Variants in MROH1 observed in about 807,000 individuals in gnomAD.
MROH1 encodes maestro heat-like repeat-containing protein family member 1.
MROH1 carries 117 observed loss-of-function variants against 116.5 expected under a neutral mutation model. The ratio of observed to expected loss-of-function variants is 1.00; its 90% CI spans 0.86 to 1.17. MROH1 has a LOEUF of 1.17. Among genes scored for constraint, MROH1 ranks in the 50% most tolerant of loss-of-function variants. The pLI is 0.00. For synonymous variants in MROH1, 921 were observed against 583.9 expected (o/e 1.58, Z -8.32); for missense variants, 1,873 against 1,338.5 (o/e 1.40, Z -6.23).
At chr8:144,195,284 G>A (rs375914631) in intron 10 of MROH1, among the ~76,000 whole-genome samples, 97 of 146,970 alleles carry the variant, frequency 6.6e-4, no homozygotes, top group African/African-American at 2.3e-3. Flanking sequence ...GGCAGATCAC[G>A]AGGTCAGGAG....
chr8:144,212,827 G>A (rs1344109244), intron 12 of MROH1, among the ~76,000 whole-genome samples: 1 of 152,102 alleles, frequency 6.6e-6, no homozygotes, highest in Non-Finnish European at 1.5e-5. Flanking sequence ...CTGATCTCAA[G>A]TGATCCACCT....
At chr8:144,222,399 G>A (rs187134342) in intron 13 of MROH1, among the ~76,000 whole-genome samples, 1 of 152,266 alleles carries the variant, frequency 6.6e-6, no homozygotes, top group East Asian at 1.9e-4. Context: ...CCTTCCCTAC[G>A]GACCTGAGCA....
At chr8:144,256,883 G>A (rs964473022) in intron 35 of MROH1, among the ~76,000 whole-genome samples, 23 of 152,342 alleles carry the variant, frequency 1.5e-4, no homozygotes, top group East Asian at 1.4e-3. Flanking sequence ...AGCCTGGAGC[G>A]CAGCCCCTGG....
chr8:144,207,273 C>T (rs1029437360), intron 12 of MROH1, among the ~76,000 whole-genome samples: 3 of 151,776 alleles, frequency 2.0e-5, no homozygotes, highest in African/African-American at 2.4e-5. Flanking sequence ...CTGCAACCTC[C>T]GCCTCCTGGG....
Position 144,163,833 on chromosome 8 carries a change from G to A in MROH1, c.7G>A (p.Glu3Lys). The part of the protein sequence containing the change: MT[E>K]SSMKKLASTL... ...GGAAGCTGAAACCACAGACATGACT[G>A]AGTCCTCCATGAAGAGTGAGTGCAT... Residue 3 changes from glutamate (E) to lysine (K), a missense_variant, in exon 3 of 44, where the codon GAG (glutamate) becomes AAG (lysine). Glu to Lys is a moderately conservative substitution (Grantham distance 56). Coordinates refer to ENST00000326134, the MANE Select transcript of MROH1 (RefSeq NM_032450.3). This position sits in a 1 kb window ranked among gnomAD's most constrained non-coding sequence, Gnocchi z 4.4. 1.9e-6 allele frequency: 3 copies of A among 1,613,772 alleles called. No individual in the cohort carries two copies. The highest frequency in any genetic ancestry group is 2.5e-6 in the Non-Finnish European group (3 of 1,179,756).
intron 4 of MROH1, among the ~76,000 whole-genome samples, chr8:144,168,641 C>A (rs1272123260): frequency 6.6e-6 from 1 of 152,130 alleles, no homozygotes; most frequent in Non-Finnish European, 1.5e-5. Flanking sequence ...ATGGCCACAT[C>A]CCCCCACCAC....
Position 144,163,990 on chromosome 8 carries a change from G to A in MROH1, c.22+142G>A, listed in dbSNP as rs1162908847. On this transcript the variant is annotated intron_variant, in intron 3 of 43. Transcript: ENST00000326134. The surrounding 1 kb of genome is among the most constrained non-coding windows in gnomAD (Gnocchi z 4.4). ...CGGGAGCCTGAGTGGGTTCTGGGCA[G>A]GTTGGGTGATGTGGCAGGTGTAGAC... 5 of 769,578 alleles carry A rather than the reference G, an allele frequency of 6.5e-6. No individual in the cohort carries two copies. The highest frequency in any genetic ancestry group is 9.9e-6 in the Non-Finnish European group (5 of 503,722). The allele number at this position is 769,578 out of a possible 1,614,324, so 47.7% of individuals were successfully genotyped here.
At chr8:144,212,991 C>T in intron 12 of MROH1, 2 of 774,704 alleles carry the variant, frequency 2.6e-6, no homozygotes, top group Non-Finnish European at 4.8e-6. Context: ...TCTCGTTACA[C>T]AGGCAGCACT....
chr8:144,178,621 T>G (rs1824723562), intron 4 of MROH1, among the ~76,000 whole-genome samples: 1 of 152,226 alleles, frequency 6.6e-6, no homozygotes, highest in Non-Finnish European at 1.5e-5. Flanking sequence ...CGACAGAGCC[T>G]GTGGGCCTCT....
At chr8:144,211,203 G>A (rs187746751) in intron 12 of MROH1, among the ~76,000 whole-genome samples, 2 of 152,166 alleles carry the variant, frequency 1.3e-5, no homozygotes, top group South Asian at 4.1e-4. Flanking sequence ...TCAGACTCAA[G>A]CTCAGTCCCT....
chr8:144,169,637 ATTAT>A (rs1197118315), intron 4 of MROH1, among the ~76,000 whole-genome samples: 1 of 139,970 alleles, frequency 7.1e-6, no homozygotes, highest in African/African-American at 2.7e-5. Flanking sequence ...TTTTATTTTT[ATTAT>A]TTATTTATAT....
chr8:144,229,659 T>A (rs1448230767), intron 14 of MROH1, among the ~76,000 whole-genome samples: 1 of 152,182 alleles, frequency 6.6e-6, no homozygotes, highest in African/African-American at 2.4e-5. Flanking sequence ...AGAGCAAGAC[T>A]GTGTCTCAAA....
At chr8:144,245,559 A>G (rs1841745908) in intron 29 of MROH1, among the ~76,000 whole-genome samples, 1 of 152,212 alleles carries the variant, frequency 6.6e-6, no homozygotes, top group Non-Finnish European at 1.5e-5. Flanking sequence ...CATGTTCCAG[A>G]AGCATCTATT....
chr8:144,226,167 G>A (rs776172775), intron 14 of MROH1, among the ~76,000 whole-genome samples: 56 of 151,888 alleles, frequency 3.7e-4, no homozygotes, highest in African/African-American at 1.2e-3. Flanking sequence ...CTCCCGCCTC[G>A]GCCTCCCAAA....
chr8:144,246,147 C>T (rs1343294037), intron 29 of MROH1, among the ~76,000 whole-genome samples: 1 of 147,386 alleles, frequency 6.8e-6, no homozygotes, highest in Non-Finnish European at 1.5e-5. Flanking sequence ...CTCTCGCTCT[C>T]ACCCAGGCTG....
intron 1 of MROH1, among the ~76,000 whole-genome samples, chr8:144,158,708 G>A (rs1818766176): frequency 6.6e-6 from 1 of 151,818 alleles, no homozygotes; most frequent in Non-Finnish European, 1.5e-5. Flanking sequence ...TGTGGTCAGA[G>A]AACATACTTT....
chr8:144,153,388 C>T (rs1306404095), intron 1 of MROH1, among the ~76,000 whole-genome samples: 3 of 151,618 alleles, frequency 2.0e-5, no homozygotes, highest in Non-Finnish European at 4.4e-5. Flanking sequence ...GTAGAGATGG[C>T]GTTTCACCAT....
chr8:144,156,166 G>A (rs922897814), intron 1 of MROH1, among the ~76,000 whole-genome samples: 2 of 151,468 alleles, frequency 1.3e-5, no homozygotes, highest in Non-Finnish European at 2.9e-5. Context: ...GAACCCGGGA[G>A]GTGGAGGTTG....
rs558354159 is a variant in MROH1, at chr8:144,183,007, C to T, written c.562+2484C>T. Among the ~76,000 whole-genome samples, 56 of 152,160 alleles carry T rather than the reference C, an allele frequency of 3.7e-4. 1 individual carries two copies. The highest frequency in any genetic ancestry group is 2.0e-3 in the Admixed American group (31 of 15,280). On this transcript the variant is annotated intron_variant, in intron 7 of 43. Transcript: ENST00000326134. ...AGGAGGATTGCTTGAACCTCGGAGG[C>T]GGAGGCTGCAGTGAGCCAAGATTGC...
Sources: gnomAD v4.1 joint callset for allele counts (sites outside exome capture counted in the v4.1 genomes callset) on GRCh38, gnomAD v4.1.1 for gene constraint, Gnocchi (gnomAD v3.1) non-coding constraint, MANE v1.5 for transcripts, NCBI Gene and HGNC (gene_info 2026-07-23, HGNC 2026-07-21) for gene names.